Variants in RAB11FIP1 observed in about 807,000 individuals in gnomAD.
RAB11FIP1 encodes the protein rab11 family-interacting protein 1.
Under a neutral mutation model 83.1 loss-of-function variants are expected in RAB11FIP1, and 49 were observed. The observed-to-expected ratio is 0.59, with a 90% confidence interval of 0.47 to 0.75. The LOEUF is 0.75. RAB11FIP1 is among the 30% of genes least tolerant of loss of function. The pLI, the probability that RAB11FIP1 is intolerant of heterozygous loss-of-function variation, is 0.00. For synonymous variants in RAB11FIP1, 670 were observed against 656.0 expected (o/e 1.02, Z -0.33); for missense variants, 1,536 against 1,598.7 (o/e 0.96, Z 0.67).
chr8:37,894,924 A>AT (rs1323886659), intron 1 of RAB11FIP1, among the ~76,000 whole-genome samples: 3 of 149,328 alleles, frequency 2.0e-5, no homozygotes, highest in African/African-American at 4.9e-5. Context: ...CGTCCAGCTA[A>AT]TTTTTTGTGT....
chr8:37,880,657 G>A (rs1222720347), intron 1 of RAB11FIP1, among the ~76,000 whole-genome samples: 1 of 151,666 alleles, frequency 6.6e-6, no homozygotes, highest in African/African-American at 2.4e-5. Flanking sequence ...AACTACTTGG[G>A]AGGTTGAGGC....
intron 1 of RAB11FIP1, among the ~76,000 whole-genome samples, chr8:37,898,651 CAAAAAAAA>C (rs746280491): frequency 1.1e-5 from 1 of 91,528 alleles, no homozygotes; most frequent in African/African-American, 4.2e-5. Context: ...GACTCAGTCT[CAAAAAAAA>C]AAAAAAAAAA....
At chr8:37,895,222 T>A (rs866350499) in intron 1 of RAB11FIP1, among the ~76,000 whole-genome samples, 7 of 3,484 alleles carry the variant, frequency 2.0e-3, no homozygotes, top group South Asian at 0.012. Context: ...CCTGCCAATA[T>A]ATATATATAT....
At chr8:37,888,669 G>T (rs1806884579) in intron 1 of RAB11FIP1, among the ~76,000 whole-genome samples, 1 of 151,550 alleles carries the variant, frequency 6.6e-6, no homozygotes, top group Non-Finnish European at 1.5e-5. Context: ...GTAGAGACAG[G>T]GTCTCATCAT....
At position 37,876,256 on chromosome 8, in the gene RAB11FIP1, AG is replaced by A. The variant is rs1402458613; in HGVS notation, c.814+852del. Among the ~76,000 whole-genome samples the A allele has an allele frequency of 4.3e-3, 629 of 146,838 alleles. 7 individuals are homozygous for A. The highest frequency in any genetic ancestry group is 0.016 in the African/African-American group (596 of 36,816). On this transcript the variant is annotated intron_variant, in intron 2 of 5. Transcript: ENST00000330843. The stretch of plus-strand genomic sequence containing the variant: ...AAGGAAGGAAGGAAGGAAGGAAGGA[AG>A]GAAGGAAGAAAGAAGGAAAGAAACC...
At chr8:37,867,776 GA>G (rs556235001) in intron 5 of RAB11FIP1, among the ~76,000 whole-genome samples, 1 of 151,226 alleles carries the variant, frequency 6.6e-6, no homozygotes, top group Non-Finnish European at 1.5e-5. Context: ...AAGGAAGGAA[GA>G]AAAAAGTGGG....
At chr8:37,870,382 A>G (rs572805041) in intron 5 of RAB11FIP1, 38 bp downstream of exon 5, 2 of 1,227,076 alleles carry the variant, frequency 1.6e-6, no homozygotes, top group South Asian at 2.4e-5. Context: ...GTGTTCTGTC[A>G]ATCCCTAACG....
At chr8:37,877,737 T>G (rs1806647790) in intron 1 of RAB11FIP1, 186 bp from the exon 2 acceptor site, 5 of 474,470 alleles carry the variant, frequency 1.1e-5, no homozygotes, top group Admixed American at 4.0e-5. Context: ...TTTTTTTTTT[T>G]GACACAGAGT....
Position 37,872,051 on chromosome 8 carries a change from A to G in RAB11FIP1, c.2751T>C (p.Asp917=). The change falls in exon 4 of 6, where the codon GAT becomes GAC. Residue 917 remains aspartate, a synonymous_variant. Coordinates refer to ENST00000330843, the MANE Select transcript of RAB11FIP1 (RefSeq NM_001002814.3). The stretch of plus-strand genomic sequence containing the variant: ...TGCTCTGATACTGAGTCACAAGGGC[A>G]TCCTCTCCCTCCATCCTAAAGAGTG... ...DTPLFRMEGE[D]ALVTQYQSKA... is the part of the protein sequence containing the mutation. 1 of 1,614,096 alleles carries G rather than the reference A, an allele frequency of 6.2e-7. No individual in the cohort carries two copies. The highest frequency in any genetic ancestry group is 1.3e-5 in the African/African-American group (1 of 75,006).
In RAB11FIP1 at chr8:37,858,628, C is replaced by G. The variant is rs1806172636; in HGVS notation, c.*4267G>C. On this transcript the variant is annotated 3_prime_UTR_variant, in exon 6 of 6. Coordinates refer to ENST00000330843, the MANE Select transcript of RAB11FIP1 (RefSeq NM_001002814.3). Reference sequence around the variant, plus strand: ...GTGGGGGTGGGAACTGAGGAAAGACCCTGTCCAAATGCTCAGCCAAGGGTA... The same window carrying G: ...GTGGGGGTGGGAACTGAGGAAAGACGCTGTCCAAATGCTCAGCCAAGGGTA... The G allele has an allele frequency of 6.6e-6, 1 of 152,192 alleles. No homozygotes were observed. The highest frequency in any genetic ancestry group is 6.5e-5 in the Admixed American group (1 of 15,274). 9.4% of individuals were successfully genotyped at this position (152,192 alleles called of 1,614,324 possible).
intron 4 of RAB11FIP1, 30 bp from the exon 5 acceptor site, chr8:37,870,558 C>T (rs1225881252): frequency 3.1e-6 from 4 of 1,273,772 alleles, no homozygotes; most frequent in African/African-American, 1.5e-5. Flanking sequence ...GATCTTTAGA[C>T]CCTCCGGTCA....
rs577000786 is a variant in RAB11FIP1 at position 37,875,448 on chromosome 8, G to A, written c.815-126C>T. 45 of 698,592 alleles carry A rather than the reference G, an allele frequency of 6.4e-5. No homozygotes were observed. The South Asian group carries it at 6.8e-4, about 11-fold the overall frequency. The allele number at this position is 698,592 out of a possible 1,614,324, so 43.3% of individuals were successfully genotyped here. On this transcript the variant is annotated intron_variant, in intron 2 of 5. Coordinates refer to ENST00000330843, the MANE Select transcript of RAB11FIP1 (RefSeq NM_001002814.3). ...ACTTGGAGGGGGTGTGCTGCTATTC[G>A]TATCCAGCAGGTAGAGGACAAGGAT...
chr8:37,877,708 ATTTT>A (rs59670170), intron 1 of RAB11FIP1, 157 bp from the exon 2 acceptor site: 4,116 of 208,954 alleles, frequency 0.02, no homozygotes, highest in South Asian at 0.034. Context: ...TGAGAGCAGA[ATTTT>A]TTTTTTTTTT....
intron 1 of RAB11FIP1, among the ~76,000 whole-genome samples, chr8:37,882,692 C>G (rs1003283003): frequency 6.6e-6 from 1 of 152,174 alleles, no homozygotes; most frequent in Non-Finnish European, 1.5e-5. Flanking sequence ...TTGCGGGAGA[C>G]CAAACACTCT....
chr8:37,876,281 C>T (rs1271261309), intron 2 of RAB11FIP1, among the ~76,000 whole-genome samples: 2 of 149,712 alleles, frequency 1.3e-5, no homozygotes, highest in Non-Finnish European at 3.0e-5. Context: ...AGGAAAGAAA[C>T]CAGAGGGCTT....
intron 1 of RAB11FIP1, among the ~76,000 whole-genome samples, chr8:37,884,795 T>A (rs1455615470): frequency 6.6e-6 from 1 of 151,736 alleles, no homozygotes; most frequent in African/African-American, 2.4e-5. Context: ...GTGATCTGCC[T>A]GCCTTAGCCT....
intron 4 of RAB11FIP1, 123 bp downstream of exon 4, chr8:37,871,155 G>T: frequency 7.5e-7 from 1 of 1,329,776 alleles, no homozygotes; most frequent in Non-Finnish European, 1.0e-6. Flanking sequence ...CCTACCAGCA[G>T]GACAGTGACA....
At position 37,871,598 on chromosome 8, in the gene RAB11FIP1, G is replaced by A; in HGVS notation, c.3204C>T (p.Gly1068=). The change falls in exon 4 of 6, where the codon GGC becomes GGT. Residue 1068 remains glycine, a synonymous_variant. Transcript: ENST00000330843. ...KSSSLDKQLP[G]PSGGEEEKPM... is the part of the protein sequence containing the mutation. Reference sequence around the variant, plus strand: ...GTTTTTCTTCCTCACCACCACTGGGGCCTGGCAGCTGTTTATCCAAGCTTG... The same window carrying A: ...GTTTTTCTTCCTCACCACCACTGGGACCTGGCAGCTGTTTATCCAAGCTTG... 6.2e-7 allele frequency: 1 copy of A among 1,602,542 alleles called. No individual in the cohort carries two copies. Among genetic ancestry groups the A allele is most frequent in the Non-Finnish European group, 8.5e-7 (1 of 1,172,446 alleles).
chr8:37,880,882 A>AG (rs1806721718), intron 1 of RAB11FIP1, among the ~76,000 whole-genome samples: 1 of 152,182 alleles, frequency 6.6e-6, no homozygotes, highest in African/African-American at 2.4e-5. Context: ...TCACAAACTG[A>AG]GAACTCACAT....
Sources: allele counts gnomAD v4.1 joint callset (sites outside exome capture counted in the v4.1 genomes callset), GRCh38; gene constraint gnomAD v4.1.1; transcripts MANE v1.5; gene names NCBI Gene and HGNC (gene_info 2026-07-23, HGNC 2026-07-21).